The following BRSK2 variants were observed in gnomAD, a reference collection of about 807,000 sequenced individuals.
The protein encoded by BRSK2 is BR serine/threonine kinase 2.
Under a neutral mutation model 83.3 loss-of-function variants are expected in BRSK2, and 19 were observed. The ratio of observed to expected loss-of-function variants is 0.23; its 90% CI spans 0.16 to 0.33. The LOEUF is 0.33. Among genes scored for constraint, BRSK2 ranks in the 10% least tolerant of loss-of-function variants. BRSK2 has a pLI of 1.00. For synonymous variants in BRSK2, 519 were observed against 435.4 expected, an observed-to-expected ratio of 1.19 and a Z score of -2.39; for missense variants, 798 against 1,042.3, an observed-to-expected ratio of 0.77 and a Z score of 3.23.
chr11:1,452,420 TCTG>T (rs1360240135), intron 15 of BRSK2, among the ~76,000 whole-genome samples: 1 of 152,380 alleles, frequency 6.6e-6, no homozygotes, highest in Non-Finnish European at 1.5e-5. Flanking sequence ...CATTGCCGTT[TCTG>T]CTGCTACCAA....
At chr11:1,401,674 C>A (rs1016949894) in intron 1 of BRSK2, among the ~76,000 whole-genome samples, 1 of 152,240 alleles carries the variant, frequency 6.6e-6, no homozygotes, top group Non-Finnish European at 1.5e-5. Flanking sequence ...TGCTCTGCTG[C>A]GTCGTGCCAG....
chr11:1,440,981 G>A, intron 4 of BRSK2, 53 bp downstream of exon 4: 5 of 1,532,218 alleles, frequency 3.3e-6, no homozygotes, highest in Non-Finnish European at 4.4e-6. Context: ...CACACCCAGT[G>A]CGCTACCACA....
At chr11:1,425,058 G>A (rs550625401) in intron 1 of BRSK2, among the ~76,000 whole-genome samples, 6 of 152,228 alleles carry the variant, frequency 3.9e-5, no homozygotes, top group Admixed American at 1.3e-4. Context: ...CCTGCCAGGC[G>A]TGGGGACTCG....
chr11:1,411,340 G>T (rs1011090613), intron 1 of BRSK2: 3 of 1,404,826 alleles, frequency 2.1e-6, no homozygotes, highest in South Asian at 1.7e-5. Context: ...GGAGCAGGGG[G>T]CACAGTTCTG....
At chr11:1,413,604 C>T (rs927150571) in intron 1 of BRSK2, among the ~76,000 whole-genome samples, 6 of 152,238 alleles carry the variant, frequency 3.9e-5, no homozygotes, top group East Asian at 1.9e-4. Flanking sequence ...TGGTCATGGG[C>T]GTCTGGGGTC....
chr11:1,389,961 C>G lies in BRSK2; in HGVS notation c.-324C>G, dbSNP rs992505621. The G allele has an allele frequency of 6.7e-6, 1 of 148,630 alleles. No individual in the cohort carries two copies. The highest frequency in any genetic ancestry group is 2.4e-5 in the African/African-American group (1 of 40,976). The allele number at this position is 148,630 out of a possible 1,614,324, so 9.2% of individuals were successfully genotyped here. ...CTCGGCTCGGCTGCGCGGCCGCTGACGGGCGTGCGCTGGGGGCGCGGGGCG... is the reference window on the plus strand; with the variant it reads ...CTCGGCTCGGCTGCGCGGCCGCTGAGGGGCGTGCGCTGGGGGCGCGGGGCG... On this transcript the variant is annotated 5_prime_UTR_variant, in exon 1 of 20. Coordinates refer to ENST00000528841, the MANE Select transcript of BRSK2 (RefSeq NM_001256627.2). This position sits in a 1 kb window ranked among gnomAD's most constrained non-coding sequence, Gnocchi z 4.1.
intron 12 of BRSK2, among the ~76,000 whole-genome samples, chr11:1,449,269 C>A (rs772323142): frequency 3.3e-5 from 5 of 152,216 alleles, no homozygotes; most frequent in Non-Finnish European, 7.3e-5. Context: ...CTGCCCAGGC[C>A]CTCCTGGTTG....
intron 16 of BRSK2, among the ~76,000 whole-genome samples, chr11:1,455,775 G>C (rs1029239489): frequency 6.6e-6 from 1 of 151,656 alleles, no homozygotes; most frequent in African/African-American, 2.4e-5. Context: ...CCAGTGAGGC[G>C]GCTGTGTGCC....
At position 1,450,914 on chromosome 11, in the gene BRSK2, G is replaced by A. The variant is rs971420078; in HGVS notation, c.1495+120G>A. On this transcript the variant is annotated intron_variant, in intron 14 of 19. Coordinates refer to ENST00000528841, the MANE Select transcript of BRSK2 (RefSeq NM_001256627.2). ...GGGCCTGTAGCTGCAGGGGTGGCCT[G>A]GGCCTGCCCACGTCTCACTGTCCCG... 3.6e-5 allele frequency: 36 copies of A among 995,886 alleles called. No homozygotes were observed. The African/African-American group carries it at 5.5e-4, about 15-fold the overall frequency. The allele number at this position is 995,886 out of a possible 1,614,324, so 61.7% of individuals were successfully genotyped here.
intron 18 of BRSK2, 61 bp downstream of exon 18, chr11:1,456,748 C>G (rs1055148336): frequency 1.3e-6 from 2 of 1,516,554 alleles, no homozygotes; most frequent in Admixed American, 2.0e-5. Context: ...CCAGCTGGTG[C>G]TGCGCGGACG....
chr11:1,456,787 C>T, intron 18 of BRSK2, 100 bp downstream of exon 18: 1 of 1,368,670 alleles, frequency 7.3e-7, no homozygotes, highest in Non-Finnish European at 1.0e-6. Context: ...GCGCAGCCTC[C>T]TGGCCCCTCT....
Position 1,440,813 on chromosome 11 carries a change from G to T in BRSK2, c.298G>T (p.Gly100Cys). Residue 100 changes from glycine (G) to cysteine (C), a missense_variant, in exon 4 of 20, where the codon GGT (glycine) becomes TGT (cysteine). By Grantham distance (159) the Gly-to-Cys change is radical (BLOSUM62 -3). Coordinates refer to ENST00000528841, the MANE Select transcript of BRSK2 (RefSeq NM_001256627.2). ...GTACCTGGTGCTAGAACACGTGTCA[G>T]GTGGTGAGCTCTTCGACTACCTGGT... ...YLYLVLEHVS[G>C]GELFDYLVKK... 6.3e-7 allele frequency: 1 copy of T among 1,587,146 alleles called. No homozygotes were observed. The highest frequency in any genetic ancestry group is 8.6e-7 in the Non-Finnish European group (1 of 1,166,348).
chr11:1,399,125 C>G (rs986604146), intron 1 of BRSK2, among the ~76,000 whole-genome samples: 1 of 152,214 alleles, frequency 6.6e-6, no homozygotes, highest in African/African-American at 2.4e-5. Flanking sequence ...AGGCCAGAGC[C>G]ACAGAGCCGT....
rs569078820 is a variant in BRSK2 at position 1,390,830 on chromosome 11, G to T, written c.91+455G>T. 9.9e-4 allele frequency among the ~76,000 whole-genome samples: 151 copies of T among 152,224 alleles called. No individual in the cohort carries two copies. The highest frequency in any genetic ancestry group is 3.4e-3 in the African/African-American group (143 of 41,562). ...GGCGGGACTCCCACCTCCGCGCGCC[G>T]GCCACCGGGGCCTCCGGGCAGGCCC... On this transcript the variant is annotated intron_variant, in intron 1 of 19. Coordinates refer to ENST00000528841, the MANE Select transcript of BRSK2 (RefSeq NM_001256627.2). The surrounding 1 kb of genome is among the most constrained non-coding windows in gnomAD (Gnocchi z 6.8).
At chr11:1,394,402 A>T (rs1845929676) in intron 1 of BRSK2, among the ~76,000 whole-genome samples, 1 of 61,380 alleles carries the variant, frequency 1.6e-5, no homozygotes, top group African/African-American at 1.0e-4. Context: ...GGTCCTGGAG[A>T]TGGGCCCCTG....
intron 13 of BRSK2, 124 bp from the exon 14 acceptor site, chr11:1,450,463 G>GC: frequency 5.1e-6 from 3 of 585,732 alleles, no homozygotes; most frequent in South Asian, 4.4e-5. Context: ...CCCCAGCCCG[G>GC]CCTCCCGCCA....
Position 1,450,769 on chromosome 11 carries a change from C to G in BRSK2, c.1470C>G (p.Pro490=), listed in dbSNP as rs1230200819. 5 of 1,595,414 alleles carry G rather than the reference C, an allele frequency of 3.1e-6. No homozygotes were observed. Among genetic ancestry groups the G allele is most frequent in the Non-Finnish European group, 4.3e-6 (5 of 1,173,278 alleles). Residue 490 remains proline, a synonymous_variant, in exon 14 of 20, where the codon CCC becomes CCG. Coordinates refer to ENST00000528841, the MANE Select transcript of BRSK2 (RefSeq NM_001256627.2). ...TCAAGAACAGCTTTCTGGGCTCACC[C>G]CGCTTCCACCGCCGGAAACTGCAAG... ...NSIKNSFLGS[P]RFHRRKLQVP...
At chr11:1,446,155 CT>C (rs1440487755) in intron 12 of BRSK2, among the ~76,000 whole-genome samples, 5 of 146,980 alleles carry the variant, frequency 3.4e-5, no homozygotes, top group African/African-American at 1.3e-4. Flanking sequence ...CTGGGCTAGG[CT>C]GAGCTGGGCT....
At chr11:1,410,682 G>A in intron 1 of BRSK2, 3 of 985,424 alleles carry the variant, frequency 3.0e-6, no homozygotes, top group South Asian at 9.4e-5. Flanking sequence ...AGCACTGCCT[G>A]ACGCCCACCC....
Sources: allele counts gnomAD v4.1 joint callset (sites outside exome capture counted in the v4.1 genomes callset), GRCh38; gene constraint gnomAD v4.1.1; non-coding constraint Gnocchi (gnomAD v3.1); transcripts MANE v1.5; gene names NCBI Gene and HGNC (gene_info 2026-07-23, HGNC 2026-07-21).